Variants in PRKN observed in about 807,000 individuals in gnomAD.
The protein encoded by PRKN is E3 ubiquitin-protein ligase parkin.
In PRKN, 56 loss-of-function variants were observed where a neutral mutation model predicts 59.5. The observed-to-expected ratio is 0.94, with a 90% CI of 0.76 to 1.18. The LOEUF (loss-of-function observed/expected upper bound fraction) is 1.18. PRKN is among the 50% of genes most tolerant of loss of function. PRKN has a pLI of 0.00. For missense variants in PRKN, 657 were observed against 596.4 expected (o/e 1.10, Z -1.06); for synonymous variants, 250 against 222.1 (o/e 1.13, Z -1.12).
intron 9 of PRKN, among the ~76,000 whole-genome samples, chr6:161,426,658 C>CAT (rs1400036966): frequency 1.8e-5 from 2 of 114,152 alleles, no homozygotes; most frequent in East Asian, 8.2e-4. Flanking sequence ...CACACACACA[C>CAT]ACACACACAC....
At chr6:162,690,167 C>A (rs2803083) in intron 1 of PRKN, among the ~76,000 whole-genome samples, 126,258 of 152,122 alleles carry the variant, frequency 0.83, 52,716 homozygotes, top group East Asian at 0.98. Context: ...ATATCAGTAA[C>A]GAGTAACCTC....
rs1441457802 is a variant in PRKN, at chr6:161,400,965, C to G, written c.1084-14088G>C. On this transcript the variant is annotated intron_variant, in intron 9 of 11. Coordinates refer to ENST00000366898, the MANE Select transcript of PRKN (RefSeq NM_004562.3). The surrounding 1 kb of genome is among the most constrained non-coding windows in gnomAD (Gnocchi z 4.2). ...GGGACAGATAGCGTCCAGGCCATTA[C>G]TCAAGGGGAAGACTGTTGATCAGAG... 6.6e-6 allele frequency among the ~76,000 whole-genome samples: 1 copy of G among 152,178 alleles called. No individual in the cohort carries two copies. Among genetic ancestry groups the G allele is most frequent in the Non-Finnish European group, 1.5e-5 (1 of 68,046 alleles).
In PRKN at chr6:161,362,478, C is replaced by T. The variant is rs1298196364; in HGVS notation, c.1168-2273G>A. On this transcript the variant is annotated intron_variant, in intron 10 of 11. Coordinates refer to ENST00000366898, the MANE Select transcript of PRKN (RefSeq NM_004562.3). This position sits in a 1 kb window ranked among gnomAD's most constrained non-coding sequence, Gnocchi z 5.2. ...TACTACACACAGAGGACCTGGACTC[C>T]TGAGGGTGACGTTCTCAGTGGAGGA... 6.6e-6 allele frequency among the ~76,000 whole-genome samples: 1 copy of T among 152,144 alleles called. No homozygotes were observed.
In PRKN at chr6:161,483,493, C is replaced by T. The variant is rs1477572002; in HGVS notation, c.1083+65361G>A. Among the ~76,000 whole-genome samples the T allele has an allele frequency of 2.0e-5, 3 of 152,174 alleles. No homozygotes were observed. Among genetic ancestry groups the T allele is most frequent in the Non-Finnish European group, 4.4e-5 (3 of 68,034 alleles). On this transcript the variant is annotated intron_variant, in intron 9 of 11. Transcript: ENST00000366898. The surrounding 1 kb of genome is among the most constrained non-coding windows in gnomAD (Gnocchi z 5.0). ...TAAGGTCAGGAAAGGGGTCATAGCT[C>T]ATAGAATATGGACTTGCATTAATTC...
At chr6:161,808,893 CG>C (rs1490757164) in intron 6 of PRKN, among the ~76,000 whole-genome samples, 1 of 152,050 alleles carries the variant, frequency 6.6e-6, no homozygotes, top group African/African-American at 2.4e-5. Flanking sequence ...GAGGCTGGAG[CG>C]CGGTGGTGCG....
intron 2 of PRKN, among the ~76,000 whole-genome samples, chr6:162,409,452 C>A (rs1403103906): frequency 1.3e-5 from 2 of 152,108 alleles, no homozygotes; most frequent in African/African-American, 2.4e-5. Context: ...CCACCACGCC[C>A]AGACCCCTCT....
chr6:161,852,322 G>A lies in PRKN; in HGVS notation c.735-66414C>T, dbSNP rs372698290. ...GAAACAAAATGAGCCAGGTGGTGGTGCAAGCCTATAGTCTTAGCTACTCGG... is the reference window on the plus strand; with the variant it reads ...GAAACAAAATGAGCCAGGTGGTGGTACAAGCCTATAGTCTTAGCTACTCGG... On this transcript the variant is annotated intron_variant, in intron 6 of 11. Transcript: ENST00000366898. Among the ~76,000 whole-genome samples the A allele has an allele frequency of 3.3e-5, 5 of 152,094 alleles. No individual in the cohort carries two copies. In the South Asian group the frequency reaches 8.3e-4, roughly 25 times the overall value.
chr6:162,359,024 C>T (rs1395194632), intron 2 of PRKN, among the ~76,000 whole-genome samples: 1 of 138,762 alleles, frequency 7.2e-6, no homozygotes, highest in Non-Finnish European at 1.5e-5. Flanking sequence ...TGTGCTACTG[C>T]ACACCATCCT....
At chr6:162,019,972 T>C (rs1309987671) in intron 5 of PRKN, among the ~76,000 whole-genome samples, 1 of 151,956 alleles carries the variant, frequency 6.6e-6, no homozygotes, top group East Asian at 1.9e-4. Flanking sequence ...TGAGCCAAGA[T>C]TGTGACATTG....
chr6:161,696,230 A>T (rs1339294593), intron 7 of PRKN, among the ~76,000 whole-genome samples: 1 of 152,048 alleles, frequency 6.6e-6, no homozygotes, highest in Non-Finnish European at 1.5e-5. Flanking sequence ...TAGTTAAGAG[A>T]CCCCATTCTT....
At chr6:162,002,581 A>AT (rs140082922) in intron 5 of PRKN, among the ~76,000 whole-genome samples, 80 of 149,624 alleles carry the variant, frequency 5.3e-4, no homozygotes, top group Admixed American at 9.3e-4. Context: ...TCAAATAACC[A>AT]TTTTTTTTTT....
chr6:161,767,831 G>C (rs920736009), intron 7 of PRKN, among the ~76,000 whole-genome samples: 1 of 152,148 alleles, frequency 6.6e-6, no homozygotes, highest in African/African-American at 2.4e-5. Context: ...CTGCATCAGG[G>C]GAGGTAGCAG....
intron 2 of PRKN, among the ~76,000 whole-genome samples, chr6:162,360,571 A>G (rs542876724): frequency 3.9e-5 from 6 of 152,328 alleles, no homozygotes; most frequent in Admixed American, 2.0e-4. Context: ...CACATAAAAT[A>G]AGTCATTTGT....
chr6:161,570,592 A>G (rs1780851371), intron 7 of PRKN, among the ~76,000 whole-genome samples: 1 of 151,510 alleles, frequency 6.6e-6, no homozygotes, highest in African/African-American at 2.4e-5. Context: ...TAGTTAATAC[A>G]TTTTCTCTTC....
intron 3 of PRKN, among the ~76,000 whole-genome samples, chr6:162,218,404 C>A (rs1406316593): frequency 4.6e-5 from 7 of 152,076 alleles, no homozygotes; most frequent in Non-Finnish European, 1.0e-4. Context: ...GTACATGCTG[C>A]AGAGGGCAGA....
intron 1 of PRKN, among the ~76,000 whole-genome samples, chr6:162,486,374 A>G (rs1303745712): frequency 6.6e-6 from 1 of 152,324 alleles, no homozygotes; most frequent in East Asian, 1.9e-4. Flanking sequence ...AAGGAACTAC[A>G]GTTCTACCAC....
chr6:162,047,276 C>T (rs1784289114), intron 5 of PRKN, among the ~76,000 whole-genome samples: 1 of 152,208 alleles, frequency 6.6e-6, no homozygotes, highest in African/African-American at 2.4e-5. Flanking sequence ...CCACTCTCTA[C>T]ATTTAAGTGT....
Position 161,354,194 on chromosome 6 carries a change from G to A in PRKN, c.1286-3983C>T, listed in dbSNP as rs1394838880. 6.6e-6 allele frequency among the ~76,000 whole-genome samples: 1 copy of A among 152,168 alleles called. No individual in the cohort carries two copies. The highest frequency in any genetic ancestry group is 1.5e-5 in the Non-Finnish European group (1 of 68,040). On this transcript the variant is annotated intron_variant, in intron 11 of 11. Coordinates refer to ENST00000366898, the MANE Select transcript of PRKN (RefSeq NM_004562.3). The surrounding 1 kb of genome is among the most constrained non-coding windows in gnomAD (Gnocchi z 6.7). ...AGGGCTTAATATACACAAGGCCATA[G>A]AGCTAGACCCAGGCCATGGAGGAGC...
chr6:161,843,251 A>C (rs1210530565), intron 6 of PRKN, among the ~76,000 whole-genome samples: 1 of 152,280 alleles, frequency 6.6e-6, no homozygotes, highest in Non-Finnish European at 1.5e-5. Flanking sequence ...ACAGCCCCTC[A>C]TGAGTCTCCC....
Sources: allele counts gnomAD v4.1 joint callset (sites outside exome capture counted in the v4.1 genomes callset), GRCh38; gene constraint gnomAD v4.1.1; non-coding constraint Gnocchi (gnomAD v3.1); transcripts MANE v1.5; gene names NCBI Gene and HGNC (gene_info 2026-07-23, HGNC 2026-07-21).